Variants in MAPK8IP3 observed in about 807,000 individuals in gnomAD.
The protein encoded by MAPK8IP3 is C-Jun-amino-terminal kinase-interacting protein 3.
A neutral mutation model predicts 157.8 loss-of-function variants in MAPK8IP3; 49 were observed. The observed-to-expected ratio is 0.31, with a 90% CI of 0.25 to 0.39. The LOEUF is 0.39. Ranked by LOEUF, MAPK8IP3 falls within the 10% of genes least tolerant of loss-of-function variation. The pLI is 1.00. For missense variants in MAPK8IP3, 1,478 were observed against 1,889.4 expected, an observed-to-expected ratio of 0.78 and a Z score of 4.04; for synonymous variants, 897 against 777.7, an observed-to-expected ratio of 1.15 and a Z score of -2.55.
intron 1 of MAPK8IP3, among the ~76,000 whole-genome samples, chr16:1,719,657 C>A (rs1035662352): frequency 7.0e-6 from 1 of 142,998 alleles, no homozygotes; most frequent in African/African-American, 2.7e-5. Flanking sequence ...CATAGGGAGA[C>A]CCCATCTCTA....
chr16:1,749,660 G>C (rs2041177850), intron 8 of MAPK8IP3, among the ~76,000 whole-genome samples: 1 of 152,248 alleles, frequency 6.6e-6, no homozygotes, highest in South Asian at 2.1e-4. Context: ...GCGGGCAGTA[G>C]GACAGCGCAG....
In MAPK8IP3 at chr16:1,768,764, G is replaced by A. The variant is rs1232797730; in HGVS notation, c.3954G>A (p.Val1318=). ...GAGDMSQVKP[V]LSKAERSHII... The stretch of plus-strand genomic sequence containing the variant: ...GGGACATGAGCCAGGTGAAGCCCGT[G>A]CTGTCCAAGGCAGAGCGCAGTCACA... The change falls in exon 32 of 32, where the codon GTG becomes GTA. Residue 1318 remains valine (V), a synonymous_variant. Coordinates refer to ENST00000610761, the MANE Select transcript of MAPK8IP3 (RefSeq NM_001318852.2). 6.2e-7 allele frequency: 1 copy of A among 1,612,806 alleles called. No individual in the cohort carries two copies. The highest frequency in any genetic ancestry group is 2.2e-5 in the East Asian group (1 of 44,864).
At chr16:1,732,240 G>A (rs774624876) in intron 4 of MAPK8IP3, among the ~76,000 whole-genome samples, 27 of 152,214 alleles carry the variant, frequency 1.8e-4, no homozygotes, top group African/African-American at 4.6e-4. Flanking sequence ...CAGCTGGAAG[G>A]GGGGAAGCCT....
chr16:1,739,579 ACCGTCC>A (rs1567173180), intron 4 of MAPK8IP3, among the ~76,000 whole-genome samples: 9 of 38,882 alleles, frequency 2.3e-4, no homozygotes, highest in South Asian at 8.1e-4. Flanking sequence ...TGTGTGTGTG[ACCGTCC>A]GTGTGTGACC....
Position 1,706,790 on chromosome 16 carries a change from A to G in MAPK8IP3, c.318+133A>G. ...GACCGCGGGACCCCTGGACCCCCAG[A>G]CCCCGCCCCGAGACCCGCCTGGACC... On this transcript the variant is annotated intron_variant, in intron 1 of 31. Transcript: ENST00000610761. This position sits in a 1 kb window ranked among gnomAD's most constrained non-coding sequence, Gnocchi z 5.1. The G allele has an allele frequency of 1.0e-6, 1 of 985,164 alleles. No individual in the cohort carries two copies. Among genetic ancestry groups the G allele is most frequent in the East Asian group, 3.0e-5 (1 of 33,262 alleles). The allele number at this position is 985,164 out of a possible 1,614,324, so 61.0% of individuals were successfully genotyped here. A position where few individuals can be genotyped will look rare whatever the true frequency, so the allele number is the denominator to read the frequency against.
At chr16:1,731,745 C>G (rs1011318241) in intron 4 of MAPK8IP3, among the ~76,000 whole-genome samples, 1 of 152,168 alleles carries the variant, frequency 6.6e-6, no homozygotes, top group Non-Finnish European at 1.5e-5. Context: ...TAGAACTGAC[C>G]GGAATGCATG....
chr16:1,748,005 A>G (rs1170668626), intron 6 of MAPK8IP3, among the ~76,000 whole-genome samples: 1 of 152,174 alleles, frequency 6.6e-6, no homozygotes, highest in Non-Finnish European at 1.5e-5. Context: ...CTTACTGCTG[A>G]CACTCCCATG....
intron 5 of MAPK8IP3, chr16:1,745,164 A>G (rs1442448969): frequency 2.0e-6 from 2 of 985,174 alleles, no homozygotes; most frequent in Non-Finnish European, 2.4e-6. Flanking sequence ...GGTGACGGAG[A>G]GCTAGGGGAG....
At chr16:1,753,449 A>T (rs11860899) in intron 8 of MAPK8IP3, among the ~76,000 whole-genome samples, 25,253 of 149,812 alleles carry the variant, frequency 0.17, 2,260 homozygotes, top group East Asian at 0.35. Context: ...TTATTTATTT[A>T]TTTATTTTTG....
intron 4 of MAPK8IP3, among the ~76,000 whole-genome samples, chr16:1,736,289 C>T (rs528969587): frequency 3.4e-4 from 21 of 61,414 alleles, no homozygotes; most frequent in African/African-American, 9.5e-4. Context: ...TGTGAGCATC[C>T]GTGTGACCGT....
At chr16:1,758,229 C>G in intron 9 of MAPK8IP3, 70 bp downstream of exon 9, 1 of 1,572,606 alleles carries the variant, frequency 6.4e-7, no homozygotes, top group Non-Finnish European at 8.7e-7. Context: ...GGGGATGCCC[C>G]GAGCTATCCC....
chr16:1,765,719 A>G (rs2042217954), intron 20 of MAPK8IP3, among the ~76,000 whole-genome samples: 1 of 152,178 alleles, frequency 6.6e-6, no homozygotes, highest in African/African-American at 2.4e-5. Flanking sequence ...TCCCAGAACC[A>G]GAGTCTTACT....
intron 4 of MAPK8IP3, among the ~76,000 whole-genome samples, chr16:1,738,124 G>A (rs1312513537): frequency 1.1e-5 from 1 of 90,760 alleles, no homozygotes; most frequent in East Asian, 4.5e-4. Flanking sequence ...CCGTGTGAGC[G>A]TGACTGTCCG....
At chr16:1,726,432 TGGGAGGCTGAGG>T (rs1423660114) in intron 2 of MAPK8IP3, among the ~76,000 whole-genome samples, 1 of 152,154 alleles carries the variant, frequency 6.6e-6, no homozygotes, top group Non-Finnish European at 1.5e-5. Flanking sequence ...TTCCACACTT[TGGGAGGCTGAGG>T]GGGAAGGATC....
At chr16:1,736,315 C>T (rs1596631540) in intron 4 of MAPK8IP3, among the ~76,000 whole-genome samples, 1 of 55,460 alleles carries the variant, frequency 1.8e-5, no homozygotes, top group Non-Finnish European at 3.3e-5. Context: ...TCCGTGTGAG[C>T]GTGTGACCGT....
At chr16:1,712,360 C>T (rs1415479893) in intron 1 of MAPK8IP3, among the ~76,000 whole-genome samples, 3 of 151,860 alleles carry the variant, frequency 2.0e-5, no homozygotes, top group Admixed American at 2.0e-4. Flanking sequence ...CGCGCCCGGC[C>T]AGCCTCAGGA....
chr16:1,762,316 G>A (rs774508746), intron 13 of MAPK8IP3, 35 bp from the exon 14 acceptor site: 3 of 1,543,046 alleles, frequency 1.9e-6, no homozygotes, highest in South Asian at 1.2e-5. Flanking sequence ...CGGCCTCCGA[G>A]GGCTGGCTGA....
Position 1,754,569 on chromosome 16 carries a change from C to T in MAPK8IP3, c.1217-3579C>T, listed in dbSNP as rs1333238331. Reference sequence around the variant, plus strand: ...TGGGCGGATCACAAGGTCAGGAGTTCGAGACCACTCTGGCCGACGTGGTGA... The same window carrying T: ...TGGGCGGATCACAAGGTCAGGAGTTTGAGACCACTCTGGCCGACGTGGTGA... On this transcript the variant is annotated intron_variant, in intron 8 of 31. Coordinates refer to ENST00000610761, the MANE Select transcript of MAPK8IP3 (RefSeq NM_001318852.2). Among the ~76,000 whole-genome samples, 5 of 152,164 alleles carry T rather than the reference C, an allele frequency of 3.3e-5. 1 individual carries two copies. The South Asian group carries it at 8.3e-4, about 25-fold the overall frequency.
chr16:1,736,155 C>A (rs1220464154), intron 4 of MAPK8IP3, among the ~76,000 whole-genome samples: 1 of 119,886 alleles, frequency 8.3e-6, no homozygotes, highest in African/African-American at 3.3e-5. Flanking sequence ...TCTGTGTGAC[C>A]GTCCGTGTGA....
Sources: allele counts gnomAD v4.1 joint callset (sites outside exome capture counted in the v4.1 genomes callset), GRCh38; gene constraint gnomAD v4.1.1; non-coding constraint Gnocchi (gnomAD v3.1); transcripts MANE v1.5; gene names NCBI Gene and HGNC (gene_info 2026-07-23, HGNC 2026-07-21).